The following VWA5B1 variants were observed in gnomAD, a reference collection of about 807,000 sequenced individuals.
The protein encoded by VWA5B1 is von Willebrand factor A domain containing 5B1, also known as von Willebrand factor A domain-containing protein 5B1.
In VWA5B1, 115 loss-of-function variants were observed where a neutral mutation model predicts 118.2. That is an observed-to-expected ratio of 0.97 (90% CI 0.84 to 1.14). VWA5B1 has a LOEUF of 1.14. Among genes scored for constraint, VWA5B1 ranks in the 50% most tolerant of loss-of-function variants. VWA5B1 has a pLI of 0.00. For synonymous variants in VWA5B1, 682 were observed against 658.4 expected (o/e 1.04, Z -0.55); for missense variants, 1,596 against 1,603.8 (o/e 1.00, Z 0.08).
intron 6 of VWA5B1, 46 bp downstream of exon 6, chr1:20,318,767 G>A (rs2089111483): frequency 5.5e-6 from 8 of 1,444,742 alleles, no homozygotes; most frequent in Non-Finnish European, 7.3e-6. Context: ...TGGGAGGGAG[G>A]AGGTGCTGAT....
At chr1:20,317,329 T>A (rs991684253) in intron 4 of VWA5B1, among the ~76,000 whole-genome samples, 1 of 152,060 alleles carries the variant, frequency 6.6e-6, no homozygotes, top group Non-Finnish European at 1.5e-5. Context: ...TGGCCCAGTG[T>A]GGGTGCTCCT....
chr1:20,313,180 ACTGT>A (rs1237783014), intron 3 of VWA5B1, among the ~76,000 whole-genome samples, 192 bp downstream of exon 3: 2 of 152,254 alleles, frequency 1.3e-5, no homozygotes, highest in Non-Finnish European at 2.9e-5. Flanking sequence ...CCTCAGCTTC[ACTGT>A]CTGTAAGACA....
At chr1:20,345,061 C>T (rs536535403) in intron 16 of VWA5B1, among the ~76,000 whole-genome samples, 53 of 152,346 alleles carry the variant, frequency 3.5e-4, no homozygotes, top group Non-Finnish European at 6.0e-4. Flanking sequence ...AAGTGGTCCC[C>T]ACCCACCAGC....
At chr1:20,339,082 C>T (rs781526844) in intron 14 of VWA5B1, 1 of 152,188 alleles carries the variant, frequency 6.6e-6, no homozygotes, top group Non-Finnish European at 1.5e-5. Flanking sequence ...GAATGTTCGG[C>T]AGCATCCCTT....
chr1:20,302,236 C>T (rs891674503), intron 1 of VWA5B1, among the ~76,000 whole-genome samples: 7 of 152,020 alleles, frequency 4.6e-5, no homozygotes, highest in Non-Finnish European at 8.8e-5. Flanking sequence ...TTGACTACTC[C>T]CCCAACCCCC....
Position 20,297,996 on chromosome 1 carries a change from A to ATTTTTT in VWA5B1, c.-27+6925_-27+6930dup, listed in dbSNP as rs60497976. On this transcript the variant is annotated intron_variant, in intron 1 of 21. Transcript: ENST00000289815. Reference sequence around the variant, plus strand: ...GATTACTTTCATGACTCGGTGGTGGATTTTTTTTTTTTTTTTTTTTTTGTT... The same window carrying ATTTTTT: ...GATTACTTTCATGACTCGGTGGTGGATTTTTTTTTTTTTTTTTTTTTTTTTTTTGTT... Among the ~76,000 whole-genome samples, 168 of 126,632 alleles carry ATTTTTT rather than the reference A, an allele frequency of 1.3e-3. 1 individual carries two copies. Among genetic ancestry groups the ATTTTTT allele is most frequent in the African/African-American group, 2.7e-3 (91 of 33,614 alleles). 83.1% of individuals were successfully genotyped at this position (126,632 alleles called of 152,430 possible). A position where few individuals can be genotyped will look rare whatever the true frequency, so the allele number is the denominator to read the frequency against.
rs541884516 is a variant in VWA5B1 at position 20,298,883 on chromosome 1, G to C, written c.-27+7795G>C. 9.7e-4 allele frequency among the ~76,000 whole-genome samples: 148 copies of C among 152,208 alleles called. 1 individual carries two copies. Among genetic ancestry groups the C allele is most frequent in the Non-Finnish European group, 2.0e-3 (134 of 68,008 alleles). On this transcript the variant is annotated intron_variant, in intron 1 of 21. Coordinates refer to ENST00000289815, the MANE Select transcript of VWA5B1 (RefSeq NM_001039500.3). ...CTTTTCTCTTGCTTCTGTGGATGTGGGATACCGTTACCATGGATTTTGCTA... is the reference window on the plus strand; with the variant it reads ...CTTTTCTCTTGCTTCTGTGGATGTGCGATACCGTTACCATGGATTTTGCTA...
At chr1:20,345,359 G>A (rs981255738) in intron 16 of VWA5B1, 97 bp from the exon 17 acceptor site, 2 of 1,500,044 alleles carry the variant, frequency 1.3e-6, no homozygotes, top group Non-Finnish European at 1.8e-6. Context: ...CAAAGATGGG[G>A]ACCACTTAGG....
chr1:20,341,821 G>C (rs2089882017), intron 14 of VWA5B1, among the ~76,000 whole-genome samples: 1 of 152,196 alleles, frequency 6.6e-6, no homozygotes, highest in Non-Finnish European at 1.5e-5. Flanking sequence ...GTGCATGAAA[G>C]CTTTGTTGGG....
At chr1:20,324,257 G>C (rs1425801901) in intron 8 of VWA5B1, among the ~76,000 whole-genome samples, 1 of 152,218 alleles carries the variant, frequency 6.6e-6, no homozygotes, top group Non-Finnish European at 1.5e-5. Context: ...AGGCCTGCTA[G>C]CCAATCAGAA....
chr1:20,294,515 T>C (rs998891670), intron 1 of VWA5B1, among the ~76,000 whole-genome samples: 9 of 152,198 alleles, frequency 5.9e-5, no homozygotes, highest in Non-Finnish European at 1.2e-4. Flanking sequence ...GTTTCACTCT[T>C]GTTGCCCAGG....
At chr1:20,337,913 G>T (rs891701226) in intron 14 of VWA5B1, 77 bp downstream of exon 14, 19 of 1,527,924 alleles carry the variant, frequency 1.2e-5, no homozygotes, top group African/African-American at 4.1e-5. Context: ...TGCTTCAACC[G>T]CAGGACGTGG....
chr1:20,318,377 G>A (rs527883863), intron 5 of VWA5B1: 1 of 668,578 alleles, frequency 1.5e-6, no homozygotes. Context: ...TGAGTTCAGA[G>A]CAGGAAGAGT....
intron 7 of VWA5B1, among the ~76,000 whole-genome samples, chr1:20,321,108 A>C: frequency 8.4e-6 from 1 of 119,024 alleles, no homozygotes; most frequent in Non-Finnish European, 1.8e-5. Flanking sequence ...CAAGAGTAAC[A>C]GAGGCAAAAA....
In VWA5B1 at chr1:20,306,972, T is replaced by C. The variant is rs1000262344; in HGVS notation, c.-26-3604T>C. 1.5e-4 allele frequency among the ~76,000 whole-genome samples: 23 copies of C among 152,238 alleles called. 1 individual carries two copies. The highest frequency in any genetic ancestry group is 5.5e-4 in the African/African-American group (23 of 41,548). Reference sequence around the variant, plus strand: ...GCCCTCCCCAGTCCTCCCTCCCTTGTTCTTTAAGGCCCTCCCTCCCTCTTC... The same window carrying C: ...GCCCTCCCCAGTCCTCCCTCCCTTGCTCTTTAAGGCCCTCCCTCCCTCTTC... On this transcript the variant is annotated intron_variant, in intron 1 of 21. Transcript: ENST00000289815.
rs1310851639 is a variant in VWA5B1, at chr1:20,353,900, G to C, written c.3285G>C (p.Lys1095Asn). Reference sequence around the variant, plus strand: ...TCACCACCCGCCCGTCTGAGTCCAAGACCCCGAGTCCCCAGCTGTGCACCA... The same window carrying C: ...TCACCACCCGCCCGTCTGAGTCCAACACCCCGAGTCCCCAGCTGTGCACCA... ...VSLTTRPSES[K>N]TPSPQLCTSS... Residue 1095 changes from lysine (K) to asparagine (N), a missense_variant, in exon 22 of 22, where the codon AAG (lysine) becomes AAC (asparagine). By Grantham distance (94) the Lys-to-Asn change is moderately conservative (BLOSUM62 0). Coordinates refer to ENST00000289815, the MANE Select transcript of VWA5B1 (RefSeq NM_001039500.3). 1 of 1,548,572 alleles carries C rather than the reference G, an allele frequency of 6.5e-7. No homozygotes were observed. Among genetic ancestry groups the C allele is most frequent in the Non-Finnish European group, 8.7e-7 (1 of 1,145,164 alleles).
At chr1:20,295,706 G>C (rs558191281) in intron 1 of VWA5B1, among the ~76,000 whole-genome samples, 5 of 152,324 alleles carry the variant, frequency 3.3e-5, no homozygotes, top group African/African-American at 1.2e-4. Flanking sequence ...CAGCTGGAGT[G>C]ATGGTCCCAA....
chr1:20,321,120 A>AAAAG (rs917051405), intron 7 of VWA5B1, among the ~76,000 whole-genome samples: 8 of 151,892 alleles, frequency 5.3e-5, no homozygotes, highest in African/African-American at 1.9e-4. Flanking sequence ...AGGCAAAAAA[A>AAAAG]AAAAAAAAAC....
chr1:20,334,487 T>C (rs2089659304), intron 12 of VWA5B1, among the ~76,000 whole-genome samples: 1 of 152,148 alleles, frequency 6.6e-6, no homozygotes, highest in Admixed American at 6.5e-5. Context: ...GCCGCAGCCC[T>C]CCTGGGAAGC....
Sources: allele counts gnomAD v4.1 joint callset (sites outside exome capture counted in the v4.1 genomes callset), GRCh38; gene constraint gnomAD v4.1.1; transcripts MANE v1.5; gene names NCBI Gene and HGNC (gene_info 2026-07-23, HGNC 2026-07-21).